The following NT5C1B variants were observed in gnomAD, a reference collection of about 807,000 sequenced individuals.
The protein encoded by NT5C1B is cytosolic 5'-nucleotidase 1B.
NT5C1B carries 44 observed loss-of-function variants against 57.8 expected under a neutral mutation model. The ratio of observed to expected loss-of-function variants is 0.76; its 90% confidence interval spans 0.60 to 0.98. NT5C1B has a LOEUF of 0.98. Among genes scored for constraint, NT5C1B ranks in the 50% least tolerant of loss-of-function variants. The probability of loss-of-function intolerance (pLI) is 0.00; values close to 1 mark genes in which losing one functional copy is unlikely to be tolerated. For missense variants in NT5C1B, 742 were observed against 719.5 expected (o/e 1.03, Z -0.36); for synonymous variants, 284 against 282.6 (o/e 1.00, Z -0.05).
chr2:18,576,089 T>G, intron 8 of NT5C1B, 95 bp downstream of exon 8: 1 of 1,319,968 alleles, frequency 7.6e-7, no homozygotes. Context: ...CTGCCTAGAA[T>G]AACTTAAACA....
intron 8 of NT5C1B, among the ~76,000 whole-genome samples, chr2:18,565,849 C>T (rs539856269): frequency 6.6e-6 from 1 of 152,148 alleles, no homozygotes; most frequent in East Asian, 1.9e-4. Context: ...AGTTTTTCTT[C>T]AGGGATTCTA....
rs368219820 is a variant in NT5C1B, at chr2:18,584,481, G to T, written c.723+33C>A. 152 of 1,591,008 alleles carry T rather than the reference G, an allele frequency of 9.6e-5. No homozygotes were observed. Among genetic ancestry groups the T allele is most frequent in the Admixed American group, 8.2e-4 (47 of 57,382 alleles). On this transcript the variant is annotated intron_variant, in intron 4 of 8. Coordinates refer to ENST00000304081, the Ensembl canonical transcript of NT5C1B. The surrounding 1 kb of genome is among the most constrained non-coding windows in gnomAD (Gnocchi z 5.8). ...GCTGGAAGAGGCTGCAAGGAAGGGC[G>T]CCCCGGCTGCCAGGGGCGGCGGGCT...
intron 6 of NT5C1B, among the ~76,000 whole-genome samples, chr2:18,577,579 ATACCAGAATC>A (rs1262622915): frequency 6.6e-6 from 1 of 152,082 alleles, no homozygotes; most frequent in East Asian, 1.9e-4. Context: ...AAGATACAAC[ATACCAGAATC>A]TCTGGGACAT....
chr2:18,585,193 C>G (rs1209689311), intron 3 of NT5C1B: 1 of 786,890 alleles, frequency 1.3e-6, no homozygotes. Flanking sequence ...TCATTCTCCC[C>G]TAGCTTCCCC....
intron 8 of NT5C1B, among the ~76,000 whole-genome samples, chr2:18,574,594 CA>C (rs911222184): frequency 1.3e-5 from 2 of 152,034 alleles, no homozygotes; most frequent in Admixed American, 6.6e-5. Flanking sequence ...TGTCCATCAT[CA>C]GGGGAATGGA....
rs372417853 is a variant in NT5C1B, at chr2:18,584,535, C to T, written c.702G>A (p.Pro234=). Reference sequence around the variant, plus strand: ...TCACCGGCCAGGGGCGCGAGCAGCTCGGGTTCTTCTCGTAGAACGACCTCA... The same window carrying T: ...TCACCGGCCAGGGGCGCGAGCAGCTTGGGTTCTTCTCGTAGAACGACCTCA... Residue 234 remains proline (P), a synonymous_variant, in exon 4 of 9, where the codon CCG becomes CCA. Transcript: ENST00000304081. This position sits in a 1 kb window ranked among gnomAD's most constrained non-coding sequence, Gnocchi z 5.8. The T allele has an allele frequency of 3.2e-5, 51 of 1,611,284 alleles. 1 individual carries two copies. The highest frequency in any genetic ancestry group is 2.4e-4 in the African/African-American group (18 of 74,802).
At chr2:18,587,424 G>A (rs1666821849) in intron 2 of NT5C1B, 79 bp downstream of exon 2, 26 of 1,577,944 alleles carry the variant, frequency 1.6e-5, no homozygotes, top group Non-Finnish European at 2.2e-5. Flanking sequence ...TTCTCTCCCA[G>A]AACTCCCTGC....
In NT5C1B at chr2:18,576,297, AG is replaced by A. The variant is rs1665667995; in HGVS notation, c.1215del (p.Phe406LeufsTer41). 6.2e-7 allele frequency: 1 copy of A among 1,613,832 alleles called. No homozygotes were observed. On this transcript the variant is annotated frameshift_variant, in exon 8 of 9. Coordinates refer to ENST00000304081, the Ensembl canonical transcript of NT5C1B. LOFTEE classifies it high-confidence loss of function. ...GAGAAGAGGACAGCATCCCCATCAA[AG>A]GCTACACGGAGCTGAGTGTCACAGT... is the stretch of plus-strand genomic sequence containing the variant.
chr2:18,587,267 A>G, intron 2 of NT5C1B: 1 of 1,499,312 alleles, frequency 6.7e-7, no homozygotes, highest in Non-Finnish European at 8.9e-7. Flanking sequence ...GTGTAGGCTG[A>G]GCAGAGGAGC....
intron 2 of NT5C1B, chr2:18,587,001 A>G: frequency 1.2e-6 from 2 of 1,614,184 alleles, no homozygotes; most frequent in Non-Finnish European, 1.7e-6. Flanking sequence ...CACCCTCATC[A>G]TGGTGATCTG....
chr2:18,576,124 T>C lies in NT5C1B; in HGVS notation c.1329+60A>G, dbSNP rs562169394. 18 of 1,465,656 alleles carry C rather than the reference T, an allele frequency of 1.2e-5. No homozygotes were observed. In the South Asian group the frequency reaches 2.5e-4, roughly 20 times the overall value. The allele number at this position is 1,465,656 out of a possible 1,614,324, so 90.8% of individuals were successfully genotyped here. On this transcript the variant is annotated intron_variant, in intron 8 of 8. Coordinates refer to ENST00000304081, the Ensembl canonical transcript of NT5C1B. ...ATTCATCAGAATGGACCAATATTGA[T>C]ATTTATATATTAGAAAATAAATAAG...
rs1452622536 is a variant in NT5C1B, at chr2:18,571,738, A to G, written c.1329+4446T>C. Among the ~76,000 whole-genome samples the G allele has an allele frequency of 1.2e-3, 99 of 81,270 alleles. 1 individual carries two copies. Among genetic ancestry groups the G allele is most frequent in the African/African-American group, 6.6e-3 (90 of 13,640 alleles). 53.3% of individuals were successfully genotyped at this position (81,270 alleles called of 152,430 possible). A position where few individuals can be genotyped will look rare whatever the true frequency, so the allele number is the denominator to read the frequency against. Reference sequence around the variant, plus strand: ...TGTGTGTATATATATATATATATATATATATATATATATATATATATATAT... The same window carrying G: ...TGTGTGTATATATATATATATATATGTATATATATATATATATATATATAT... On this transcript the variant is annotated intron_variant, in intron 8 of 8. Transcript: ENST00000304081.
At chr2:18,583,730 C>A (rs549204533) in intron 5 of NT5C1B, 2 of 426,038 alleles carry the variant, frequency 4.7e-6, no homozygotes, top group Non-Finnish European at 9.4e-6. Context: ...GAAGAGCTAA[C>A]GTGAATTTCA....
intron 8 of NT5C1B, among the ~76,000 whole-genome samples, chr2:18,571,718 GTATATATATA>G (rs59799495): frequency 0.074 from 8,155 of 110,874 alleles, 406 homozygotes; most frequent in South Asian, 0.079. Context: ...CTGTGTGTGT[GTATATATATA>G]TATATATATA....
chr2:18,586,667 G>T, intron 2 of NT5C1B: 1 of 582,550 alleles, frequency 1.7e-6, no homozygotes, highest in Non-Finnish European at 2.9e-6. Context: ...CCTCTTATGT[G>T]GATATTAGTA....
intron 6 of NT5C1B, among the ~76,000 whole-genome samples, chr2:18,577,144 A>G (rs1316728294): frequency 6.6e-6 from 1 of 152,154 alleles, no homozygotes; most frequent in African/African-American, 2.4e-5. Flanking sequence ...TGGGCATAGT[A>G]TATTCACATA....
In NT5C1B at chr2:18,576,355, C is replaced by T. The variant is rs756723610; in HGVS notation, c.1158G>A (p.Ala386=). 4.1e-5 allele frequency: 66 copies of T among 1,612,560 alleles called. No individual in the cohort carries two copies. The Middle Eastern group carries it at 1.8e-3, about 45-fold the overall frequency. Residue 386 remains alanine (A), a synonymous_variant, in exon 8 of 9, where the codon GCG becomes GCA. Coordinates refer to ENST00000304081, the Ensembl canonical transcript of NT5C1B. ...TGTCTTTGGCTCCATCAAACATTGT[C>T]GCAGAGGCAATACCTGATAGATCAT...
chr2:18,583,899 G>T, intron 5 of NT5C1B, 189 bp downstream of exon 5: 1 of 914,676 alleles, frequency 1.1e-6, no homozygotes, highest in Non-Finnish European at 1.8e-6. Flanking sequence ...CTGTGGGCTG[G>T]AGTCCCTTCC....
intron 8 of NT5C1B, among the ~76,000 whole-genome samples, chr2:18,569,443 G>C (rs1409576979): frequency 1.3e-5 from 2 of 151,718 alleles, no homozygotes; most frequent in Non-Finnish European, 2.9e-5. Flanking sequence ...TAAAACACAG[G>C]GATTGCCAGA....
Sources: gnomAD v4.1 joint callset for allele counts (sites outside exome capture counted in the v4.1 genomes callset) on GRCh38, gnomAD v4.1.1 for gene constraint, Gnocchi (gnomAD v3.1) non-coding constraint, MANE v1.5 for transcripts, NCBI Gene and HGNC (gene_info 2026-07-23, HGNC 2026-07-21) for gene names.